The following CDS1 variants were observed in gnomAD, a reference collection of about 807,000 sequenced individuals.
CDS1 encodes the protein phosphatidate cytidylyltransferase 1.
Under a neutral mutation model 62.1 loss-of-function variants are expected in CDS1, and 41 were observed. The observed-to-expected ratio is 0.66, with a 90% CI of 0.51 to 0.86. The LOEUF (loss-of-function observed/expected upper bound fraction) is 0.86. Ranked by LOEUF, CDS1 falls within the 40% of genes least tolerant of loss-of-function variation. CDS1 has a pLI of 0.00. For missense variants in CDS1, 470 were observed against 550.1 expected (o/e 0.85, Z 1.46); for synonymous variants, 185 against 192.6 (o/e 0.96, Z 0.32).
chr4:84,648,535 C>T, intron 12 of CDS1, 22 bp from the exon 13 acceptor site: 1 of 1,607,874 alleles, frequency 6.2e-7, no homozygotes, highest in Non-Finnish European at 8.5e-7. Context: ...ACGAACTTGT[C>T]TTCTTTGCCT....
intron 9 of CDS1, among the ~76,000 whole-genome samples, chr4:84,640,128 TATATATATA>T (rs937490882): frequency 5.2e-4 from 77 of 147,800 alleles, no homozygotes; most frequent in Admixed American, 8.8e-4. Context: ...TATGAAATTA[TATATATATA>T]ATATATATAA....
chr4:84,632,072 T>G (rs1211319356), intron 6 of CDS1, among the ~76,000 whole-genome samples, 195 bp downstream of exon 6: 1 of 152,216 alleles, frequency 6.6e-6, no homozygotes, highest in African/African-American at 2.4e-5. Flanking sequence ...AAATTTTAAC[T>G]GTTTTCAAAG....
chr4:84,608,239 T>C (rs112645834), intron 2 of CDS1, among the ~76,000 whole-genome samples: 52,375 of 152,096 alleles, frequency 0.34, 9,253 homozygotes, highest in East Asian at 0.53. Flanking sequence ...AGTGGCGCGA[T>C]CTTGGCTCAC....
intron 8 of CDS1, among the ~76,000 whole-genome samples, chr4:84,635,574 TCTGCCTGCCTGCCTGCCTGC>T (rs1214957051): frequency 1.1e-4 from 11 of 102,030 alleles, no homozygotes; most frequent in Middle Eastern, 5.4e-3. Flanking sequence ...ACTCCATCAG[TCTGCCTGCCTGCCTGCCTGC>T]CTGCCTGCCT....
At chr4:84,590,099 C>T (rs1722546732) in intron 1 of CDS1, among the ~76,000 whole-genome samples, 3 of 152,172 alleles carry the variant, frequency 2.0e-5, no homozygotes, top group African/African-American at 7.2e-5. Context: ...GCATGAGCCA[C>T]CTCACCCAGC....
In CDS1 at chr4:84,634,265, A is replaced by G. The variant is rs541690497; in HGVS notation, c.722+326A>G. Among the ~76,000 whole-genome samples the G allele has an allele frequency of 4.6e-5, 7 of 152,262 alleles. No homozygotes were observed. In the South Asian group the frequency reaches 1.5e-3, roughly 32 times the overall value. On this transcript the variant is annotated intron_variant, in intron 7 of 12. Coordinates refer to ENST00000295887, the MANE Select transcript of CDS1 (RefSeq NM_001263.4). The stretch of plus-strand genomic sequence containing the variant: ...CTTTAAATATAATATTTATTAAGAT[A>G]TTATTTACATAGAATGCAAAAAAAT...
chr4:84,600,424 G>C lies in CDS1; in HGVS notation c.118-3819G>C, dbSNP rs539358663. On this transcript the variant is annotated intron_variant, in intron 1 of 12. Transcript: ENST00000295887. ...TTTGTTATCATACTAAGAAATTTTT[G>C]CCTAACCAAGGTCCCAGAGAGTTTA... 5.3e-5 allele frequency among the ~76,000 whole-genome samples: 8 copies of C among 152,110 alleles called. No individual in the cohort carries two copies. The South Asian group carries it at 1.7e-3, about 32-fold the overall frequency.
At chr4:84,585,641 A>G (rs947291915) in intron 1 of CDS1, among the ~76,000 whole-genome samples, 1 of 152,222 alleles carries the variant, frequency 6.6e-6, no homozygotes, top group Non-Finnish European at 1.5e-5. Context: ...TTCTGCTATT[A>G]TAATACACTC....
intron 1 of CDS1, among the ~76,000 whole-genome samples, chr4:84,584,061 A>C (rs1454416644): frequency 1.3e-5 from 2 of 152,196 alleles, no homozygotes; most frequent in Non-Finnish European, 2.9e-5. Context: ...AGTATCATGC[A>C]CGTGACATAA....
intron 1 of CDS1, among the ~76,000 whole-genome samples, chr4:84,594,434 G>A (rs747360503): frequency 1.8e-4 from 27 of 151,990 alleles, no homozygotes; most frequent in Admixed American, 5.2e-4. Context: ...TACTAATGTA[G>A]ATTTCCTTTA....
chr4:84,605,430 A>C (rs1398781350), intron 2 of CDS1, among the ~76,000 whole-genome samples: 1 of 152,082 alleles, frequency 6.6e-6, no homozygotes, highest in Non-Finnish European at 1.5e-5. Context: ...AGTAAATGTA[A>C]TATGAATTTT....
At position 84,604,277 on chromosome 4, in the gene CDS1, A is replaced by C; in HGVS notation, c.152A>C (p.Asp51Ala). Residue 51 changes from aspartate to alanine, a missense_variant, in exon 2 of 13, where the codon GAT (aspartate) becomes GCT (alanine). Asp to Ala is a moderately radical substitution (Grantham distance 126, BLOSUM62 -2). This residue lies in a region of CDS1 where 150 missense variants were observed against 142.0 expected (regional missense o/e 1.06). Transcript: ENST00000295887. Reference sequence around the variant, plus strand: ...ATTGATGACAGATATGGAGATTTGGATTCCAGAACAGATTCTGATATTCCG... The same window carrying C: ...ATTGATGACAGATATGGAGATTTGGCTTCCAGAACAGATTCTGATATTCCG... ...TDIDDRYGDL[D>A]SRTDSDIPEI... 1 of 1,611,848 alleles carries C rather than the reference A, an allele frequency of 6.2e-7. No individual in the cohort carries two copies. The highest frequency in any genetic ancestry group is 8.5e-7 in the Non-Finnish European group (1 of 1,178,514).
At chr4:84,600,601 A>G (rs1267421204) in intron 1 of CDS1, among the ~76,000 whole-genome samples, 1 of 152,168 alleles carries the variant, frequency 6.6e-6, no homozygotes, top group Non-Finnish European at 1.5e-5. Flanking sequence ...TGTTGACCAT[A>G]TGTATGTAGG....
intron 5 of CDS1, among the ~76,000 whole-genome samples, chr4:84,622,167 A>G (rs1228584725): frequency 6.6e-6 from 1 of 152,188 alleles, no homozygotes; most frequent in Admixed American, 6.5e-5. Context: ...TTCTCAGTTT[A>G]TATTTAAGGT....
At chr4:84,604,762 A>AT (rs1019860560) in intron 2 of CDS1, among the ~76,000 whole-genome samples, 1 of 151,990 alleles carries the variant, frequency 6.6e-6, no homozygotes, top group Admixed American at 6.6e-5. Flanking sequence ...AGAAATAGGT[A>AT]TTTTTTTCTT....
At chr4:84,643,697 T>C (rs890762371) in intron 11 of CDS1, among the ~76,000 whole-genome samples, 2 of 152,194 alleles carry the variant, frequency 1.3e-5, no homozygotes, top group Non-Finnish European at 2.9e-5. Flanking sequence ...CATGGCTGGA[T>C]TTAATAAAAC....
At chr4:84,635,684 T>TTCCTTCCTTCCTTCCC (rs1724181113) in intron 8 of CDS1, among the ~76,000 whole-genome samples, 3 of 83,644 alleles carry the variant, frequency 3.6e-5, no homozygotes, top group Non-Finnish European at 7.0e-5. Flanking sequence ...CCTTCCTTCC[T>TTCCTTCCTTCCTTCCC]TCCTTCCCTC....
At chr4:84,606,387 A>G (rs1330559452) in intron 2 of CDS1, among the ~76,000 whole-genome samples, 2 of 151,718 alleles carry the variant, frequency 1.3e-5, no homozygotes, top group East Asian at 1.9e-4. Flanking sequence ...ACTGTTTTCT[A>G]CCTTACTGTT....
chr4:84,611,977 C>G (rs1398085788), intron 3 of CDS1, among the ~76,000 whole-genome samples: 1 of 151,980 alleles, frequency 6.6e-6, no homozygotes, highest in East Asian at 1.9e-4. Context: ...GGTGAGTGGG[C>G]AGGCTTGAGG....
Sources: allele counts gnomAD v4.1 joint callset (sites outside exome capture counted in the v4.1 genomes callset), GRCh38; gene constraint gnomAD v4.1.1; regional missense constraint gnomAD v4.1.1; transcripts MANE v1.5; gene names NCBI Gene and HGNC (gene_info 2026-07-23, HGNC 2026-07-21).